FAM135B: variants seen among roughly 807,000 people sequenced by gnomAD.
The protein encoded by FAM135B is protein FAM135B.
Under a neutral mutation model 127.7 loss-of-function variants are expected in FAM135B, and 43 were observed. The ratio of observed to expected loss-of-function variants is 0.34; its 90% CI spans 0.26 to 0.43. The LOEUF (loss-of-function observed/expected upper bound fraction) is 0.43, where lower values mean the gene tolerates loss of function less well. FAM135B is among the 20% of genes least tolerant of loss of function. FAM135B has a pLI of 1.00. For synonymous variants in FAM135B, 670 were observed against 665.1 expected (o/e 1.01, Z -0.11); for missense variants, 1,558 against 1,725.6 (o/e 0.90, Z 1.72).
At chr8:138,222,676 GTGTTTT>G (rs1246016529) in intron 7 of FAM135B, among the ~76,000 whole-genome samples, 2 of 115,652 alleles carry the variant, frequency 1.7e-5, no homozygotes, top group African/African-American at 7.1e-5. Context: ...TTTGTTGGTG[GTGTTTT>G]TTTTTTTTTT....
At position 138,152,135 on chromosome 8, in the gene FAM135B, C is replaced by T. The variant is rs2130757761; in HGVS notation, c.2340G>A (p.Glu780=). 1 of 1,614,004 alleles carries T rather than the reference C, an allele frequency of 6.2e-7. No homozygotes were observed. The highest frequency in any genetic ancestry group is 8.5e-7 in the Non-Finnish European group (1 of 1,180,022). ...TGGTGTCCGCATCTTCAGCAGCCTC[C>T]TCTGGGCTACTGATGTGGGGAGCAG... ...SVSAPHISSP[E]EAAEDADTKQ... The change falls in exon 13 of 20, where the codon GAG becomes GAA. Residue 780 remains glutamate (E), a synonymous_variant. Coordinates refer to ENST00000395297, the MANE Select transcript of FAM135B (RefSeq NM_015912.4).
At chr8:138,354,160 G>A (rs1433730498) in intron 2 of FAM135B, among the ~76,000 whole-genome samples, 1 of 151,808 alleles carries the variant, frequency 6.6e-6, no homozygotes, top group Non-Finnish European at 1.5e-5. Flanking sequence ...TGTCATTTCT[G>A]TTACACATAC....
intron 16 of FAM135B, among the ~76,000 whole-genome samples, chr8:138,142,502 C>T (rs1015350716): frequency 6.6e-6 from 1 of 151,732 alleles, no homozygotes; most frequent in Non-Finnish European, 1.5e-5. Context: ...GATGGGGTTT[C>T]CCTGTGTTAG....
intron 7 of FAM135B, among the ~76,000 whole-genome samples, chr8:138,226,085 T>C (rs899078954): frequency 6.6e-6 from 1 of 151,384 alleles, no homozygotes; most frequent in Admixed American, 6.6e-5. Flanking sequence ...TAACAAGTCA[T>C]CAAGAAAAAT....
chr8:138,359,362 T>A (rs1335867275), intron 2 of FAM135B, among the ~76,000 whole-genome samples: 2 of 152,148 alleles, frequency 1.3e-5, no homozygotes. Flanking sequence ...AACTGAAAAG[T>A]CATGAGACTG....
At chr8:138,344,365 C>T (rs1260584450) in intron 2 of FAM135B, among the ~76,000 whole-genome samples, 2 of 152,152 alleles carry the variant, frequency 1.3e-5, no homozygotes, top group African/African-American at 2.4e-5. Context: ...CTCGCCTCTC[C>T]AGCAGCCATG....
Position 138,181,418 on chromosome 8 carries a change from G to A in FAM135B, c.874-2728C>T, listed in dbSNP as rs146225480. Among the ~76,000 whole-genome samples the A allele has an allele frequency of 3.5e-3, 530 of 152,028 alleles. 4 individuals carry two copies. The highest frequency in any genetic ancestry group is 0.012 in the Admixed American group (180 of 15,250). On this transcript the variant is annotated intron_variant, in intron 9 of 19. Transcript: ENST00000395297. ...AAGACCCAACCTTATGCATCAGCAC[G>A]TGGCACAACTGCTCCTGAAAATGCC... is the stretch of plus-strand genomic sequence containing the variant.
intron 4 of FAM135B, among the ~76,000 whole-genome samples, chr8:138,258,174 C>T (rs1275108094): frequency 2.2e-4 from 33 of 152,186 alleles, no homozygotes; most frequent in Admixed American, 2.2e-3. Flanking sequence ...AGTATCAATG[C>T]ATCTTTGCGG....
intron 7 of FAM135B, among the ~76,000 whole-genome samples, chr8:138,220,332 T>G (rs1032315247): frequency 6.6e-6 from 1 of 152,142 alleles, no homozygotes; most frequent in Non-Finnish European, 1.5e-5. Flanking sequence ...AATCAGCAGC[T>G]GAAGTACCAC....
At chr8:138,244,276 G>A (rs921891674) in intron 6 of FAM135B, among the ~76,000 whole-genome samples, 1 of 146,022 alleles carries the variant, frequency 6.8e-6, no homozygotes, top group African/African-American at 2.6e-5. Flanking sequence ...GTGTGTGCAG[G>A]AGAGCAATTT....
At chr8:138,427,034 A>C (rs575915355) in intron 1 of FAM135B, among the ~76,000 whole-genome samples, 88 of 152,138 alleles carry the variant, frequency 5.8e-4, no homozygotes, top group Middle Eastern at 3.4e-3. Context: ...TGAGCAAAAG[A>C]AGCCAAACAG....
intron 1 of FAM135B, among the ~76,000 whole-genome samples, chr8:138,404,139 A>C (rs535517525): frequency 6.6e-6 from 1 of 152,282 alleles, no homozygotes; most frequent in African/African-American, 2.4e-5. Context: ...AATATCACTA[A>C]ATATTTGCTA....
At chr8:138,409,575 G>C (rs965889372) in intron 1 of FAM135B, among the ~76,000 whole-genome samples, 13 of 152,174 alleles carry the variant, frequency 8.5e-5, no homozygotes, top group African/African-American at 3.1e-4. Flanking sequence ...ACCTAGGAAG[G>C]ACAATAAAGT....
chr8:138,227,411 C>T lies in FAM135B; in HGVS notation c.669+15531G>A, dbSNP rs149683189. Among the ~76,000 whole-genome samples, 850 of 152,314 alleles carry T rather than the reference C, an allele frequency of 5.6e-3. 1 individual carries two copies. Among genetic ancestry groups the T allele is most frequent in the Non-Finnish European group, 8.6e-3 (584 of 68,014 alleles). On this transcript the variant is annotated intron_variant, in intron 7 of 19. Coordinates refer to ENST00000395297, the MANE Select transcript of FAM135B (RefSeq NM_015912.4). ...CATTCATGAATAGGATCCTATCCAGCCCTGCTGGGACCTGCCTTGGATCCA... is the reference window on the plus strand; with the variant it reads ...CATTCATGAATAGGATCCTATCCAGTCCTGCTGGGACCTGCCTTGGATCCA...
chr8:138,154,000 C>G (rs1818443347), intron 12 of FAM135B, among the ~76,000 whole-genome samples: 1 of 152,182 alleles, frequency 6.6e-6, no homozygotes, highest in African/African-American at 2.4e-5. Flanking sequence ...CAAGTGGGTC[C>G]CTGACCCCCG....
At chr8:138,133,407 T>C (rs774136346) in intron 19 of FAM135B, among the ~76,000 whole-genome samples, 19 of 152,214 alleles carry the variant, frequency 1.2e-4, no homozygotes, top group Non-Finnish European at 1.8e-4. Flanking sequence ...TGCAGTGCAA[T>C]TGAATTGCTG....
At chr8:138,178,158 G>T (rs1471624638) in intron 10 of FAM135B, among the ~76,000 whole-genome samples, 1 of 151,950 alleles carries the variant, frequency 6.6e-6, no homozygotes, top group Non-Finnish European at 1.5e-5. Context: ...TGAGGCAGGG[G>T]AATTGCTTGA....
intron 12 of FAM135B, among the ~76,000 whole-genome samples, chr8:138,156,990 C>T (rs191699310): frequency 5.3e-5 from 8 of 151,976 alleles, no homozygotes; most frequent in Admixed American, 2.0e-4. Flanking sequence ...AGAGACACAT[C>T]GAAAAAAGAG....
rs114596771 is a variant in FAM135B at position 138,267,911 on chromosome 8, C to T, written c.158-2069G>A. On this transcript the variant is annotated intron_variant, in intron 3 of 19. Transcript: ENST00000395297. ...AAAAATGATTCATGTGTGCAGATGC[C>T]TCTCTGTTTTTACTTGCTACACTAG... Among the ~76,000 whole-genome samples, 1,466 of 152,316 alleles carry T rather than the reference C, an allele frequency of 9.6e-3. 18 individuals carry two copies. The highest frequency in any genetic ancestry group is 0.033 in the African/African-American group (1,351 of 41,564).
Sources: allele counts gnomAD v4.1 joint callset (sites outside exome capture counted in the v4.1 genomes callset), GRCh38; gene constraint gnomAD v4.1.1; transcripts MANE v1.5; gene names NCBI Gene and HGNC (gene_info 2026-07-23, HGNC 2026-07-21).